DLGAP2: variants seen among roughly 807,000 people sequenced by gnomAD.
DLGAP2 encodes DLG associated protein 2.
DLGAP2 carries 26 observed loss-of-function variants against 100.3 expected under a neutral mutation model. The observed-to-expected ratio is 0.26, with a 90% confidence interval of 0.19 to 0.36. DLGAP2 has a LOEUF of 0.36. Among genes scored for constraint, DLGAP2 ranks in the 10% least tolerant of loss-of-function variants. The pLI is 1.00. For synonymous variants in DLGAP2, 886 were observed against 630.1 expected (o/e 1.41, Z -6.08); for missense variants, 1,858 against 1,453.2 (o/e 1.28, Z -4.53).
chr8:1,649,951 C>A (rs1043064822), intron 8 of DLGAP2, among the ~76,000 whole-genome samples: 3 of 152,132 alleles, frequency 2.0e-5, no homozygotes, highest in Non-Finnish European at 2.9e-5. Context: ...GAAAAAGATT[C>A]ATTAGCTAAG....
At chr8:1,438,023 GAA>G (rs1240673274) in intron 3 of DLGAP2, among the ~76,000 whole-genome samples, 1 of 151,922 alleles carries the variant, frequency 6.6e-6, no homozygotes, top group African/African-American at 2.4e-5. Flanking sequence ...ACCAAAGTAG[GAA>G]AAGAGGCCTA....
chr8:1,600,691 C>G (rs906948407), intron 6 of DLGAP2, among the ~76,000 whole-genome samples: 1 of 152,158 alleles, frequency 6.6e-6, no homozygotes, highest in Non-Finnish European at 1.5e-5. Flanking sequence ...GTATGCTTCA[C>G]GAAGTTCTCA....
At chr8:1,427,507 A>C (rs1797268943) in intron 3 of DLGAP2, among the ~76,000 whole-genome samples, 1 of 152,218 alleles carries the variant, frequency 6.6e-6, no homozygotes, top group Admixed American at 6.5e-5. Flanking sequence ...ATGTCAACAG[A>C]AAGCACTTGA....
chr8:750,984 T>A (rs1050431041), intron 1 of DLGAP2, among the ~76,000 whole-genome samples: 5 of 152,228 alleles, frequency 3.3e-5, no homozygotes, highest in African/African-American at 1.2e-4. Context: ...AGCTTCTTTT[T>A]CCATCAGCAA....
At chr8:779,827 T>G (rs1265975474) in intron 1 of DLGAP2, among the ~76,000 whole-genome samples, 4 of 151,958 alleles carry the variant, frequency 2.6e-5, no homozygotes, top group Admixed American at 2.0e-4. Context: ...CTGCATTCCT[T>G]TTTTATATTT....
chr8:1,227,436 T>A (rs1798444657), intron 2 of DLGAP2, among the ~76,000 whole-genome samples: 1 of 151,746 alleles, frequency 6.6e-6, no homozygotes, highest in Non-Finnish European at 1.5e-5. Flanking sequence ...AGCCTGTGGC[T>A]GTCTTCACAT....
chr8:770,643 C>T (rs1050298755), intron 1 of DLGAP2, among the ~76,000 whole-genome samples: 12 of 152,212 alleles, frequency 7.9e-5, no homozygotes, highest in South Asian at 2.1e-4. Context: ...GAGGAAGATT[C>T]GGTGGCGTCT....
intron 2 of DLGAP2, among the ~76,000 whole-genome samples, chr8:1,194,372 G>A (rs116697803): frequency 2.6e-5 from 4 of 152,020 alleles, no homozygotes; most frequent in South Asian, 2.1e-4. Context: ...GTCGGTTGGC[G>A]GCCGGCCCAC....
intron 2 of DLGAP2, among the ~76,000 whole-genome samples, chr8:1,113,160 G>A (rs965585003): frequency 1.3e-5 from 2 of 151,982 alleles, no homozygotes; most frequent in Admixed American, 6.6e-5. Context: ...TGTTCTTTTT[G>A]CTTATGATGG....
chr8:1,156,886 C>G (rs1796802035), intron 2 of DLGAP2, among the ~76,000 whole-genome samples: 1 of 152,172 alleles, frequency 6.6e-6, no homozygotes, highest in Non-Finnish European at 1.5e-5. Flanking sequence ...GATGAGGAGG[C>G]TGACTCAGGA....
chr8:919,742 TCGCCACCACC>T (rs1475409186), intron 2 of DLGAP2, among the ~76,000 whole-genome samples: 1 of 152,022 alleles, frequency 6.6e-6, no homozygotes, highest in Admixed American at 6.6e-5. Flanking sequence ...TGGGCCGTGC[TCGCCACCACC>T]CGCCTCTCTT....
intron 2 of DLGAP2, among the ~76,000 whole-genome samples, chr8:1,100,970 C>T (rs1319475665): frequency 6.6e-6 from 1 of 152,196 alleles, no homozygotes; most frequent in Non-Finnish European, 1.5e-5. Flanking sequence ...ATTTCTTTTA[C>T]CCGCATCACC....
At position 1,548,687 on chromosome 8, in the gene DLGAP2, C is replaced by G; in HGVS notation, c.234C>G (p.Pro78=). 1 of 1,605,224 alleles carries G rather than the reference C, an allele frequency of 6.2e-7. No homozygotes were observed. The highest frequency in any genetic ancestry group is 8.5e-7 in the Non-Finnish European group (1 of 1,177,100). The change falls in exon 5 of 15, where the codon CCC becomes CCG. Residue 78 remains proline (P), a synonymous_variant. Coordinates refer to ENST00000637795, the MANE Select transcript of DLGAP2 (RefSeq NM_001346810.2). ...ATGAGGAGCGCTACTCGCCCGCGCC[C>G]AGGAGCATGAAGGGCCTTTCCGGAA... ...HFNEERYSPA[P]RSMKGLSGSR...
chr8:1,539,321 A>G (rs1482949994), intron 4 of DLGAP2, among the ~76,000 whole-genome samples: 29 of 152,326 alleles, frequency 1.9e-4, no homozygotes, highest in Admixed American at 1.9e-3. Context: ...TTGAGATGCA[A>G]TCCACAGACA....
intron 2 of DLGAP2, among the ~76,000 whole-genome samples, chr8:1,110,670 C>T (rs1481512728): frequency 6.6e-6 from 1 of 150,730 alleles, no homozygotes; most frequent in Non-Finnish European, 1.5e-5. Context: ...GAAACCCAAA[C>T]ATCTGCAAGT....
At chr8:1,506,843 G>C (rs564932605) in intron 4 of DLGAP2, among the ~76,000 whole-genome samples, 1 of 152,266 alleles carries the variant, frequency 6.6e-6, no homozygotes, top group South Asian at 2.1e-4. Flanking sequence ...GTCCCCACTA[G>C]ATGAGCTAGA....
rs555282044 is a variant in DLGAP2 at position 1,609,565 on chromosome 8, A to G, written c.1443-17175A>G. On this transcript the variant is annotated intron_variant, in intron 6 of 14. Coordinates refer to ENST00000637795, the MANE Select transcript of DLGAP2 (RefSeq NM_001346810.2). ...TTAACTTTAAATGTAAATGGACTAA[A>G]TGCTCCAATTAAAAGACACAGACTG... Among the ~76,000 whole-genome samples, 8 of 133,368 alleles carry G rather than the reference A, an allele frequency of 6.0e-5. 1 individual carries two copies. The East Asian group carries it at 2.3e-3, about 39-fold the overall frequency. The allele number at this position is 133,368 out of a possible 152,430, so 87.5% of individuals were successfully genotyped here. A position where few individuals can be genotyped will look rare whatever the true frequency, so the allele number is the denominator to read the frequency against.
intron 4 of DLGAP2, among the ~76,000 whole-genome samples, chr8:1,526,735 G>C (rs1478362971): frequency 6.6e-6 from 1 of 152,220 alleles, no homozygotes; most frequent in Admixed American, 6.5e-5. Flanking sequence ...CACATCAAGA[G>C]AGGAAGGAGG....
intron 2 of DLGAP2, among the ~76,000 whole-genome samples, chr8:1,049,247 CG>C (rs892269931): frequency 6.6e-6 from 1 of 152,048 alleles, no homozygotes; most frequent in South Asian, 2.1e-4. Flanking sequence ...TTTATGCAAA[CG>C]GGGGAAATGT....
Sources: gnomAD v4.1 joint callset for allele counts (sites outside exome capture counted in the v4.1 genomes callset) on GRCh38, gnomAD v4.1.1 for gene constraint, MANE v1.5 for transcripts, NCBI Gene and HGNC (gene_info 2026-07-23, HGNC 2026-07-21) for gene names.